Variants in ENTREP2 observed in about 807,000 individuals in gnomAD.
ENTREP2 encodes the protein endosomal transmembrane epsin interactor 2.
At chr15:29,208,536 C>A in the ENTREP2 span, among the ~76,000 whole-genome samples, 5 of 152,162 alleles carry the variant, frequency 3.3e-5, no homozygotes, top group African/African-American at 1.2e-4. Context: ...GAGGGAGGCG[C>A]CAGCACACCA....
the ENTREP2 span, among the ~76,000 whole-genome samples, chr15:29,583,421 G>A: frequency 2.7e-4 from 41 of 152,196 alleles, no homozygotes; most frequent in African/African-American, 8.9e-4. Context: ...TCTTACTTAC[G>A]AGTGGGAGCT....
At chr15:29,575,088 T>G in the ENTREP2 span, among the ~76,000 whole-genome samples, 2 of 152,132 alleles carry the variant, frequency 1.3e-5, no homozygotes, top group African/African-American at 4.8e-5. Flanking sequence ...GAAAGATGAA[T>G]TTGAGTTCAG....
chr15:29,261,896 A>G, the ENTREP2 span, among the ~76,000 whole-genome samples: 2 of 150,858 alleles, frequency 1.3e-5, no homozygotes, highest in East Asian at 3.9e-4. Flanking sequence ...ATGAAAATCA[A>G]TTGACTAAGT....
the ENTREP2 span, among the ~76,000 whole-genome samples, chr15:29,657,493 G>GT: frequency 2.9e-5 from 4 of 135,874 alleles, no homozygotes; most frequent in East Asian, 2.4e-4. Context: ...CGGGGGGGGG[G>GT]GGTGGCCAGC....
At chr15:29,290,771 G>A in the ENTREP2 span, among the ~76,000 whole-genome samples, 1 of 152,176 alleles carries the variant, frequency 6.6e-6, no homozygotes, top group Non-Finnish European at 1.5e-5. Context: ...CCTTTCTCTA[G>A]GCCGTGAACT....
At chr15:29,541,578 A>C in the ENTREP2 span, among the ~76,000 whole-genome samples, 1 of 152,222 alleles carries the variant, frequency 6.6e-6, no homozygotes, top group Admixed American at 6.5e-5. Context: ...GTGAAGCATA[A>C]GAAGGCATTA....
At chr15:29,168,728 C>A in the ENTREP2 span, among the ~76,000 whole-genome samples, 38 of 152,330 alleles carry the variant, frequency 2.5e-4, 2 homozygotes, top group South Asian at 7.1e-3. Context: ...TTTGGCCACT[C>A]AGGCACCACC....
chr15:29,124,900 G>A, the ENTREP2 span: 11 of 733,858 alleles, frequency 1.5e-5, no homozygotes, highest in East Asian at 5.4e-5. Flanking sequence ...CCCACCGAGC[G>A]GCAGATCAGA....
chr15:29,565,556 A>C, the ENTREP2 span, among the ~76,000 whole-genome samples: 1 of 151,010 alleles, frequency 6.6e-6, no homozygotes, highest in South Asian at 2.1e-4. Context: ...GTTAAAAAAT[A>C]ATAATAATGA....
the ENTREP2 span, among the ~76,000 whole-genome samples, chr15:29,646,806 G>A: frequency 1.3e-5 from 2 of 152,128 alleles, no homozygotes; most frequent in African/African-American, 4.8e-5. Context: ...GACATAAAGA[G>A]ACACAAAGGC....
the ENTREP2 span, among the ~76,000 whole-genome samples, chr15:29,231,023 G>A: frequency 6.6e-6 from 1 of 152,068 alleles, no homozygotes; most frequent in African/African-American, 2.4e-5. Context: ...AAATGGTGGT[G>A]GGCAGTCTCT....
chr15:29,359,638 C>T, the ENTREP2 span, among the ~76,000 whole-genome samples: 1 of 152,154 alleles, frequency 6.6e-6, no homozygotes, highest in African/African-American at 2.4e-5. Flanking sequence ...GTCTTGATCT[C>T]CTGACCTCGT....
chr15:29,457,773 C>A, the ENTREP2 span, among the ~76,000 whole-genome samples: 1,232 of 152,306 alleles, frequency 8.1e-3, 56 homozygotes, highest in Admixed American at 0.07. Flanking sequence ...CTTCTGCTGC[C>A]CCTTGGGTTC....
At chr15:29,574,957 A>G in the ENTREP2 span, among the ~76,000 whole-genome samples, 10 of 152,202 alleles carry the variant, frequency 6.6e-5, no homozygotes, top group Admixed American at 2.6e-4. Flanking sequence ...CCTTAAAAGT[A>G]TCAAAGATTA....
At chr15:29,558,812 G>A in the ENTREP2 span, among the ~76,000 whole-genome samples, 1 of 148,540 alleles carries the variant, frequency 6.7e-6, no homozygotes, top group African/African-American at 2.5e-5. Context: ...TCTTTATGAT[G>A]ATCCACCTCC....
At chr15:29,511,093 T>C in the ENTREP2 span, among the ~76,000 whole-genome samples, 739 of 152,208 alleles carry the variant, frequency 4.9e-3, 1 homozygote, top group African/African-American at 0.017. Flanking sequence ...CTAATGTAGA[T>C]GACGGGTTGA....
the ENTREP2 span, among the ~76,000 whole-genome samples, chr15:29,378,511 G>C: frequency 1.3e-5 from 2 of 152,212 alleles, no homozygotes; most frequent in African/African-American, 2.4e-5. Context: ...GAACAAAGCA[G>C]ATTACCCTCC....
At chr15:29,155,215 G>A in the ENTREP2 span, among the ~76,000 whole-genome samples, 1 of 151,826 alleles carries the variant, frequency 6.6e-6, no homozygotes, top group Non-Finnish European at 1.5e-5. Context: ...CCAGGAGGTG[G>A]AGCTTGCAGT....
At chr15:29,635,100 C>A in the ENTREP2 span, among the ~76,000 whole-genome samples, 1 of 152,154 alleles carries the variant, frequency 6.6e-6, no homozygotes, top group Admixed American at 6.5e-5. Flanking sequence ...GCCTCGGCCT[C>A]CCAAAGTGCT....
Sources: gnomAD v4.1 joint callset for allele counts (sites outside exome capture counted in the v4.1 genomes callset) on GRCh38, gnomAD v4.1.1 for gene constraint, MANE v1.5 for transcripts, NCBI Gene and HGNC (gene_info 2026-07-23, HGNC 2026-07-21) for gene names.